AOPEP: variants seen among roughly 807,000 people sequenced by gnomAD.
AOPEP encodes aminopeptidase O.
In AOPEP, 77 loss-of-function variants were observed where a neutral mutation model predicts 98.1. That is an observed-to-expected ratio of 0.78 (90% confidence interval 0.65 to 0.95). AOPEP has a LOEUF of 0.95. Among genes scored for constraint, AOPEP ranks in the 40% least tolerant of loss-of-function variants. AOPEP has a pLI of 0.00. For synonymous variants in AOPEP, 346 were observed against 365.3 expected (o/e 0.95, Z 0.60); for missense variants, 1,024 against 1,024.7 (o/e 1.00, Z 0.01).
intron 7 of AOPEP, chr9:94,933,491 TGGAACTCTTAA>T (rs1588962644): frequency 1.0e-6 from 1 of 985,320 alleles, no homozygotes; most frequent in African/African-American, 1.7e-5. Context: ...CAGGAGTCTA[TGGAACTCTTAA>T]TCTTAGCTGC....
the AOPEP span, among the ~76,000 whole-genome samples, chr9:95,111,822 A>G: frequency 6.6e-6 from 1 of 152,262 alleles, no homozygotes; most frequent in African/African-American, 2.4e-5. Flanking sequence ...CCATCACAGG[A>G]CATCGAAAGA....
At chr9:94,758,976 A>G (rs1368604866) in intron 1 of AOPEP, among the ~76,000 whole-genome samples, 1 of 151,948 alleles carries the variant, frequency 6.6e-6, no homozygotes, top group Admixed American at 6.6e-5. Context: ...GCTATTATCC[A>G]GAATGTTAAT....
chr9:94,861,209 C>A (rs750066680), intron 5 of AOPEP, among the ~76,000 whole-genome samples: 1 of 152,110 alleles, frequency 6.6e-6, no homozygotes, highest in South Asian at 2.1e-4. Flanking sequence ...GGCTTCATGA[C>A]GAAGGGGAAG....
At chr9:95,050,659 C>G (rs1311704724) in intron 13 of AOPEP, among the ~76,000 whole-genome samples, 1 of 152,192 alleles carries the variant, frequency 6.6e-6, no homozygotes, top group Non-Finnish European at 1.5e-5. Context: ...GGTCGGCTCT[C>G]CTTACAAATG....
chr9:95,066,278 G>A (rs2067877231), intron 14 of AOPEP, among the ~76,000 whole-genome samples: 1 of 152,092 alleles, frequency 6.6e-6, no homozygotes, highest in African/African-American at 2.4e-5. Context: ...ACTTTCCTGT[G>A]GAAAGCCTGC....
chr9:94,852,361 A>G (rs2043658925), intron 5 of AOPEP, among the ~76,000 whole-genome samples: 1 of 152,232 alleles, frequency 6.6e-6, no homozygotes, highest in African/African-American at 2.4e-5. Flanking sequence ...ATTCAACCCT[A>G]GTTCAATGTT....
chr9:95,007,342 C>A (rs558909163), intron 13 of AOPEP, among the ~76,000 whole-genome samples: 4 of 151,554 alleles, frequency 2.6e-5, no homozygotes, highest in African/African-American at 9.7e-5. Context: ...TTGTGACACC[C>A]ATGACCTGAC....
At chr9:94,762,272 C>G (rs554241828) in intron 2 of AOPEP, among the ~76,000 whole-genome samples, 1 of 152,114 alleles carries the variant, frequency 6.6e-6, no homozygotes, top group Admixed American at 6.5e-5. Context: ...ACGGTGAAAC[C>G]CTGTCTCTAC....
At chr9:94,861,824 G>C (rs1469463322) in intron 5 of AOPEP, among the ~76,000 whole-genome samples, 1 of 152,150 alleles carries the variant, frequency 6.6e-6, no homozygotes, top group Non-Finnish European at 1.5e-5. Flanking sequence ...TGCATGGGTC[G>C]GGTCCTCCGT....
intron 5 of AOPEP, among the ~76,000 whole-genome samples, chr9:94,911,162 A>G (rs2051981300): frequency 6.6e-6 from 1 of 152,182 alleles, no homozygotes; most frequent in Admixed American, 6.5e-5. Flanking sequence ...TAGTGGTTTA[A>G]AATGAGCTCT....
At chr9:94,916,200 A>G (rs962434919) in intron 5 of AOPEP, among the ~76,000 whole-genome samples, 2 of 152,186 alleles carry the variant, frequency 1.3e-5, no homozygotes, top group Admixed American at 1.3e-4. Context: ...AGCTCTTTTT[A>G]TGGGAACAAA....
rs200133581 is a variant in AOPEP, at chr9:95,005,492, C to T, written c.2041-50C>T. ...CTGCTTTCTCGCGCTGGGGGATGGCCGTCAGGACCCTGTCGCCTTCTTTGA... is the reference window on the plus strand; with the variant it reads ...CTGCTTTCTCGCGCTGGGGGATGGCTGTCAGGACCCTGTCGCCTTCTTTGA... On this transcript the variant is annotated intron_variant, in intron 12 of 16. Transcript: ENST00000375315. 30 of 1,518,854 alleles carry T rather than the reference C, an allele frequency of 2.0e-5. No individual in the cohort carries two copies. In the East Asian group the frequency reaches 6.1e-4, roughly 31 times the overall value. The allele number at this position is 1,518,854 out of a possible 1,614,324, so 94.1% of individuals were successfully genotyped here. A position where few individuals can be genotyped will look rare whatever the true frequency, so the allele number is the denominator to read the frequency against.
At chr9:94,848,952 G>A (rs1001895670) in intron 5 of AOPEP, among the ~76,000 whole-genome samples, 1 of 152,074 alleles carries the variant, frequency 6.6e-6, no homozygotes, top group African/African-American at 2.4e-5. Flanking sequence ...AATTTTCTTG[G>A]TATTTTTAGT....
intron 5 of AOPEP, among the ~76,000 whole-genome samples, chr9:94,890,930 G>A (rs1406045116): frequency 6.6e-6 from 1 of 152,192 alleles, no homozygotes; most frequent in Non-Finnish European, 1.5e-5. Context: ...CTGTTGTTGG[G>A]TAGAGCCTTC....
chr9:94,965,344 T>C (rs528182344), intron 9 of AOPEP, among the ~76,000 whole-genome samples: 54 of 152,236 alleles, frequency 3.5e-4, no homozygotes, highest in Non-Finnish European at 7.3e-4. Context: ...ACAAGTAAAG[T>C]CTCAGAAGGA....
the AOPEP span, among the ~76,000 whole-genome samples, chr9:95,094,056 A>G: frequency 3.3e-5 from 5 of 149,254 alleles, no homozygotes; most frequent in Non-Finnish European, 5.9e-5. Context: ...TCTCTCCCCC[A>G]CCCCTTTCTT....
At chr9:94,979,534 T>C in intron 11 of AOPEP, 107 bp downstream of exon 11, 1 of 714,080 alleles carries the variant, frequency 1.4e-6, no homozygotes, top group South Asian at 1.6e-5. Flanking sequence ...AGGAAAGTAA[T>C]TATCTTACTG....
At chr9:94,989,845 G>T (rs2060780980) in intron 11 of AOPEP, among the ~76,000 whole-genome samples, 1 of 151,664 alleles carries the variant, frequency 6.6e-6, no homozygotes, top group Middle Eastern at 3.4e-3. Flanking sequence ...TCCTGACCTT[G>T]TGATCCGCCC....
At chr9:94,765,701 C>T (rs1473756201) in intron 2 of AOPEP, among the ~76,000 whole-genome samples, 2 of 151,894 alleles carry the variant, frequency 1.3e-5, no homozygotes, top group African/African-American at 4.8e-5. Flanking sequence ...TGGCAGGGTT[C>T]TCTGGAGAAG....
Sources: allele counts gnomAD v4.1 joint callset (sites outside exome capture counted in the v4.1 genomes callset), GRCh38; gene constraint gnomAD v4.1.1; transcripts MANE v1.5; gene names NCBI Gene and HGNC (gene_info 2026-07-23, HGNC 2026-07-21).